The following CHMP6 variants were observed in gnomAD, a reference collection of about 807,000 sequenced individuals.
CHMP6 encodes charged multivesicular body protein 6.
In CHMP6, 10 loss-of-function variants were observed where a neutral mutation model predicts 32.8. The ratio of observed to expected loss-of-function variants is 0.30; its 90% confidence interval spans 0.19 to 0.52. CHMP6 has a LOEUF of 0.52. Among genes scored for constraint, CHMP6 ranks in the 20% least tolerant of loss-of-function variants. The pLI is 0.97. For synonymous variants in CHMP6, 123 were observed against 105.8 expected (o/e 1.16, Z -1.00); for missense variants, 269 against 263.8 (o/e 1.02, Z -0.14).
chr17:80,992,592 C>T (rs2069602524), intron 1 of CHMP6, among the ~76,000 whole-genome samples: 1 of 152,182 alleles, frequency 6.6e-6, no homozygotes, highest in Admixed American at 6.5e-5. Flanking sequence ...GGGGTCCTGC[C>T]GGGCTTCCGC....
In CHMP6 at chr17:80,991,942, G is replaced by A. The variant is rs1381943415; in HGVS notation, c.24G>A (p.Lys8=). 2 of 1,468,682 alleles carry A rather than the reference G, an allele frequency of 1.4e-6. No homozygotes were observed. Among genetic ancestry groups the A allele is most frequent in the Non-Finnish European group, 1.8e-6 (2 of 1,104,032 alleles). 91.0% of individuals were successfully genotyped at this position (1,468,682 alleles called of 1,614,324 possible). A position where few individuals can be genotyped will look rare whatever the true frequency, so the allele number is the denominator to read the frequency against. The change falls in exon 1 of 8, where the codon AAG becomes AAA. Residue 8 remains lysine (K), a synonymous_variant. Coordinates refer to ENST00000325167, the MANE Select transcript of CHMP6 (RefSeq NM_024591.5). The part of the protein sequence containing the change: MGNLFGR[K]KQSRVTEQDK... Reference sequence around the variant, plus strand: ...CCATGGGTAACCTGTTCGGCCGCAAGAAGCAGAGCCGCGTCACGGAGCAGG... The same window carrying A: ...CCATGGGTAACCTGTTCGGCCGCAAAAAGCAGAGCCGCGTCACGGAGCAGG...
At chr17:80,992,217 G>C (rs999874458) in intron 1 of CHMP6, among the ~76,000 whole-genome samples, 1 of 151,560 alleles carries the variant, frequency 6.6e-6, no homozygotes, top group African/African-American at 2.4e-5. Context: ...CGGGGCCCGC[G>C]CGTCCGCCTC....
intron 6 of CHMP6, 61 bp downstream of exon 6, chr17:80,997,402 C>A: frequency 5.9e-6 from 4 of 673,506 alleles, no homozygotes; most frequent in Non-Finnish European, 6.6e-6. Context: ...AGAGCTCAGA[C>A]CCCCAGGAGG....
chr17:80,994,505 C>A, intron 1 of CHMP6, 76 bp from the exon 2 acceptor site: 1 of 1,349,662 alleles, frequency 7.4e-7, no homozygotes, highest in Non-Finnish European at 1.0e-6. Flanking sequence ...GCCCGGCCTC[C>A]ATGCCTGGCG....
chr17:80,992,203 T>A (rs948094197), intron 1 of CHMP6, among the ~76,000 whole-genome samples: 1 of 150,672 alleles, frequency 6.6e-6, no homozygotes, highest in Non-Finnish European at 1.5e-5. Flanking sequence ...GCTGCCGTCT[T>A]CCCCGGGGCC....
chr17:80,994,354 G>A (rs1038882536), intron 1 of CHMP6, among the ~76,000 whole-genome samples: 1 of 152,210 alleles, frequency 6.6e-6, no homozygotes, highest in Non-Finnish European at 1.5e-5. Flanking sequence ...TGTGGAGTCC[G>A]GGTGACCCTC....
chr17:80,995,824 G>C, intron 4 of CHMP6, 66 bp downstream of exon 4: 1 of 1,454,738 alleles, frequency 6.9e-7, no homozygotes, highest in South Asian at 1.2e-5. Context: ...CTGGGGATAG[G>C]GCGGGGGGCT....
intron 6 of CHMP6, among the ~76,000 whole-genome samples, chr17:80,997,838 C>T (rs911273391): frequency 2.0e-5 from 3 of 152,218 alleles, no homozygotes; most frequent in African/African-American, 7.2e-5. Context: ...CCAGCTGCCC[C>T]GGCGCCCTGG....
At position 80,992,602 on chromosome 17, in the gene CHMP6, C is replaced by T. The variant is rs891635355; in HGVS notation, c.63+621C>T. Reference sequence around the variant, plus strand: ...CTGCCGGGGTCCTGCCGGGCTTCCGCAGCGCCTGGGTACGGGACCACCGTG... The same window carrying T: ...CTGCCGGGGTCCTGCCGGGCTTCCGTAGCGCCTGGGTACGGGACCACCGTG... On this transcript the variant is annotated intron_variant, in intron 1 of 7. Coordinates refer to ENST00000325167, the MANE Select transcript of CHMP6 (RefSeq NM_024591.5). Among the ~76,000 whole-genome samples the T allele has an allele frequency of 4.6e-5, 7 of 152,140 alleles. No individual in the cohort carries two copies. The East Asian group carries it at 1.4e-3, about 29-fold the overall frequency.
At position 80,991,971 on chromosome 17, in the gene CHMP6, A is replaced by G. The variant is rs549254852; in HGVS notation, c.53A>G (p.Lys18Arg). 11 of 1,443,532 alleles carry G rather than the reference A, an allele frequency of 7.6e-6. No individual in the cohort carries two copies. The African/African-American group carries it at 1.3e-4, about 17-fold the overall frequency. The allele number at this position is 1,443,532 out of a possible 1,614,324, so 89.4% of individuals were successfully genotyped here. ...CAGAGCCGCGTCACGGAGCAGGACA[A>G]GGCCATCCTGGTGAGGGCCCGGGCC... ...KKQSRVTEQD[K>R]AILQLKQQRD... Residue 18 changes from lysine (K) to arginine (R), a missense_variant, in exon 1 of 8, where the codon AAG becomes AGG. Transcript: ENST00000325167.
At chr17:80,998,791 G>A (rs2069661252) in intron 7 of CHMP6, 3 of 902,818 alleles carry the variant, frequency 3.3e-6, no homozygotes, top group South Asian at 1.8e-5. Context: ...TGCCCACTGG[G>A]AAGCTGACTT....
At position 80,999,038 on chromosome 17, in the gene CHMP6, T is replaced by C. The variant is rs2069663063; in HGVS notation, c.551-60T>C. 3.6e-5 allele frequency: 58 copies of C among 1,602,102 alleles called. No individual in the cohort carries two copies. In the South Asian group the frequency reaches 5.7e-4, roughly 16 times the overall value. On this transcript the variant is annotated intron_variant, in intron 7 of 7. Transcript: ENST00000325167. The stretch of plus-strand genomic sequence containing the variant: ...TGCCACCCCTGTGGCCTCGTCCCTC[T>C]CTGGAGGTCTCTGCCTGTGGGTCTT...
In CHMP6 at chr17:80,996,990, ATCACCCTCG is replaced by A; in HGVS notation, c.349-14_349-6del. The A allele has an allele frequency of 1.2e-6, 2 of 1,610,696 alleles. No individual in the cohort carries two copies. The highest frequency in any genetic ancestry group is 2.2e-5 in the South Asian group (2 of 90,682). On this transcript the variant is annotated splice_region_variant and splice_polypyrimidine_tract_variant and intron_variant, in intron 4 of 7. Coordinates refer to ENST00000325167, the MANE Select transcript of CHMP6 (RefSeq NM_024591.5). ...GGCCTCGCGACAGGGGTCAACACCC[ATCACCCTCG>A]TCCACAGGTGATGTCCATTGAAGAG...
Position 80,991,901 on chromosome 17 carries a change from C to G in CHMP6, c.-18C>G, listed in dbSNP as rs767600103. On this transcript the variant is annotated 5_prime_UTR_variant, in exon 1 of 8. Coordinates refer to ENST00000325167, the MANE Select transcript of CHMP6 (RefSeq NM_024591.5). ...GCGATTGGACTTGGTGGGTCCCGGG[C>G]CAGGGGCGGGCGCCGCCATGGGTAA... 1.4e-6 allele frequency: 2 copies of G among 1,452,470 alleles called. No homozygotes were observed. The highest frequency in any genetic ancestry group is 6.1e-5 in the East Asian group (2 of 32,786). The allele number at this position is 1,452,470 out of a possible 1,614,324, so 90.0% of individuals were successfully genotyped here. A position where few individuals can be genotyped will look rare whatever the true frequency, so the allele number is the denominator to read the frequency against.
intron 6 of CHMP6, 76 bp from the exon 7 acceptor site, chr17:80,998,290 T>G (rs1365893576): frequency 3.3e-6 from 5 of 1,526,626 alleles, no homozygotes; most frequent in Non-Finnish European, 4.5e-6. Flanking sequence ...ACAGGATCCG[T>G]GTCCTCTCGG....
chr17:80,992,409 G>A (rs549116179), intron 1 of CHMP6, among the ~76,000 whole-genome samples: 2 of 152,148 alleles, frequency 1.3e-5, no homozygotes, highest in African/African-American at 4.8e-5. Context: ...CCCGTCCCGC[G>A]GCTCATTTGC....
chr17:80,996,237 T>C (rs2069636409), intron 4 of CHMP6, among the ~76,000 whole-genome samples: 1 of 151,796 alleles, frequency 6.6e-6, no homozygotes, highest in Non-Finnish European at 1.5e-5. Flanking sequence ...GGAGAATCTC[T>C]TGAACCGGGA....
chr17:80,996,845 C>G (rs901032058), intron 4 of CHMP6, among the ~76,000 whole-genome samples, 162 bp from the exon 5 acceptor site: 1 of 152,142 alleles, frequency 6.6e-6, no homozygotes, highest in Admixed American at 6.5e-5. Flanking sequence ...TTGGACGGAT[C>G]GCTTGAGCCC....
chr17:80,998,815 C>A, intron 7 of CHMP6: 1 of 775,146 alleles, frequency 1.3e-6, no homozygotes, highest in Non-Finnish European at 1.9e-6. Flanking sequence ...AACCGTCCAT[C>A]CACGTTTGTT....
Sources: gnomAD v4.1 joint callset for allele counts (sites outside exome capture counted in the v4.1 genomes callset) on GRCh38, gnomAD v4.1.1 for gene constraint, MANE v1.5 for transcripts, NCBI Gene and HGNC (gene_info 2026-07-23, HGNC 2026-07-21) for gene names.